The following TGFBR3 variants were observed in gnomAD, a reference collection of about 807,000 sequenced individuals.
The protein encoded by TGFBR3 is transforming growth factor beta receptor type 3.
TGFBR3 carries 46 observed loss-of-function variants against 87.9 expected under a neutral mutation model. The ratio of observed to expected loss-of-function variants is 0.52; its 90% confidence interval spans 0.41 to 0.67. The LOEUF is 0.67. Ranked by LOEUF, TGFBR3 falls within the 30% of genes least tolerant of loss-of-function variation. The probability of loss-of-function intolerance (pLI) is 0.00; values close to 1 mark genes in which losing one functional copy is unlikely to be tolerated. For missense variants in TGFBR3, 866 were observed against 1,041.9 expected (o/e 0.83, Z 2.32); for synonymous variants, 381 against 391.6 (o/e 0.97, Z 0.32).
chr1:91,702,948 G>C (rs1456339493), intron 14 of TGFBR3, among the ~76,000 whole-genome samples: 1 of 152,120 alleles, frequency 6.6e-6, no homozygotes, highest in East Asian at 1.9e-4. Context: ...AGGAGGCTGA[G>C]GCAGGAGAAT....
intron 5 of TGFBR3, among the ~76,000 whole-genome samples, chr1:91,731,876 T>C (rs1672786800): frequency 6.6e-6 from 1 of 152,208 alleles, no homozygotes. Flanking sequence ...AAAGTTGATG[T>C]TATTAAGGGC....
intron 2 of TGFBR3, among the ~76,000 whole-genome samples, chr1:91,810,349 G>A (rs956882848): frequency 6.6e-6 from 1 of 152,152 alleles, no homozygotes; most frequent in Non-Finnish European, 1.5e-5. Context: ...ATGAGCCACC[G>A]TGCCTGGCCC....
chr1:91,863,688 G>A (rs967305183), intron 1 of TGFBR3, among the ~76,000 whole-genome samples: 1 of 152,182 alleles, frequency 6.6e-6, no homozygotes, highest in Non-Finnish European at 1.5e-5. Flanking sequence ...ACAGTCAAAA[G>A]GAGATAAGCT....
intron 2 of TGFBR3, among the ~76,000 whole-genome samples, chr1:91,820,707 T>A (rs2101059620): frequency 6.6e-6 from 1 of 152,120 alleles, no homozygotes; most frequent in South Asian, 2.1e-4. Context: ...ACCTAAATGT[T>A]CATCAAAAAG....
At chr1:91,804,183 A>G (rs1461357823) in intron 2 of TGFBR3, among the ~76,000 whole-genome samples, 1 of 149,704 alleles carries the variant, frequency 6.7e-6, no homozygotes, top group Non-Finnish European at 1.5e-5. Context: ...AAAGGGGCAG[A>G]AAAAAAAAAC....
intron 2 of TGFBR3, among the ~76,000 whole-genome samples, chr1:91,799,569 C>G (rs997606408): frequency 1.3e-5 from 2 of 152,210 alleles, no homozygotes; most frequent in African/African-American, 4.8e-5. Flanking sequence ...CTGGCTACAG[C>G]TACCCACACT....
chr1:91,768,074 T>C (rs1674244538), intron 3 of TGFBR3, among the ~76,000 whole-genome samples: 4 of 151,918 alleles, frequency 2.6e-5, no homozygotes, highest in Admixed American at 2.6e-4. Flanking sequence ...TAGCCGGGTG[T>C]GGTGGCGCAT....
chr1:91,797,259 T>A (rs1444023737), intron 3 of TGFBR3, 28 bp downstream of exon 3: 1 of 1,612,284 alleles, frequency 6.2e-7, no homozygotes, highest in East Asian at 2.2e-5. Flanking sequence ...TCAGTGGCAG[T>A]GGGCTGAGAG....
chr1:91,818,968 T>C (rs925467789), intron 2 of TGFBR3, among the ~76,000 whole-genome samples: 4 of 152,226 alleles, frequency 2.6e-5, no homozygotes, highest in Non-Finnish European at 4.4e-5. Context: ...CTGCAATCTA[T>C]GGACACAGAT....
At chr1:91,687,874 T>C (rs1671141313) in intron 16 of TGFBR3, among the ~76,000 whole-genome samples, 1 of 152,220 alleles carries the variant, frequency 6.6e-6, no homozygotes, top group Admixed American at 6.5e-5. Flanking sequence ...TTAATATTCC[T>C]TGATGCTAGA....
intron 3 of TGFBR3, among the ~76,000 whole-genome samples, chr1:91,761,190 T>C (rs951251736): frequency 6.6e-6 from 1 of 152,180 alleles, no homozygotes; most frequent in Admixed American, 6.5e-5. Flanking sequence ...TACTAGTAAG[T>C]ATGTATTTCA....
intron 4 of TGFBR3, 49 bp from the exon 5 acceptor site, chr1:91,735,008 G>C (rs1672914212): frequency 1.2e-6 from 2 of 1,602,102 alleles, no homozygotes; most frequent in East Asian, 4.5e-5. Flanking sequence ...CACCGGAGCT[G>C]AATCATAATT....
rs151118757 is a variant in TGFBR3 at position 91,856,519 on chromosome 1, C to T, written c.61+4952G>A. On this transcript the variant is annotated intron_variant, in intron 2 of 16. Transcript: ENST00000212355. ...CCCAGACAAACCTATGGAGCTGGAA[C>T]AAGCAGGCTCCTATTATTCTAACTT... Among the ~76,000 whole-genome samples the T allele has an allele frequency of 5.9e-3, 905 of 152,128 alleles. 6 individuals are homozygous for T. The highest frequency in any genetic ancestry group is 9.2e-3 in the Non-Finnish European group (626 of 67,996).
Position 91,813,818 on chromosome 1 carries a change from C to T in TGFBR3, c.62-16347G>A, listed in dbSNP as rs530668962. Among the ~76,000 whole-genome samples, 9 of 152,254 alleles carry T rather than the reference C, an allele frequency of 5.9e-5. No homozygotes were observed. The South Asian group carries it at 1.0e-3, about 18-fold the overall frequency. ...CATGGAAGACAGTTTTTCCACAGAC[C>T]GAGGAGGAGAGGATGGTTTTGGGAT... is the stretch of plus-strand genomic sequence containing the variant. On this transcript the variant is annotated intron_variant, in intron 2 of 16. Coordinates refer to ENST00000212355, the MANE Select transcript of TGFBR3 (RefSeq NM_003243.5).
At chr1:91,841,463 T>C (rs1016585140) in intron 2 of TGFBR3, among the ~76,000 whole-genome samples, 27 of 152,270 alleles carry the variant, frequency 1.8e-4, no homozygotes, top group Admixed American at 9.8e-4. Flanking sequence ...ATTGCTCTTA[T>C]ACAATTAGAG....
intron 2 of TGFBR3, among the ~76,000 whole-genome samples, chr1:91,848,528 T>C (rs1044173677): frequency 1.2e-4 from 19 of 152,320 alleles, no homozygotes; most frequent in African/African-American, 4.6e-4. Context: ...ATCCTTATTA[T>C]AAAATATATT....
chr1:91,758,811 G>C, intron 3 of TGFBR3, 61 bp from the exon 4 acceptor site: 2 of 1,609,012 alleles, frequency 1.2e-6, no homozygotes, highest in Non-Finnish European at 1.7e-6. Context: ...AAATCACTCA[G>C]AGCAGCCTCT....
rs550370872 is a variant in TGFBR3, at chr1:91,804,820, G to A, written c.62-7349C>T. ...GGCTGGGAGTGTCTCCTGTGGCCAC[G>A]GCTGAAAACCCACATCCCGTCTTCC... On this transcript the variant is annotated intron_variant, in intron 2 of 16. Coordinates refer to ENST00000212355, the MANE Select transcript of TGFBR3 (RefSeq NM_003243.5). Among the ~76,000 whole-genome samples, 22 of 152,218 alleles carry A rather than the reference G, an allele frequency of 1.4e-4. No homozygotes were observed. In the East Asian group the frequency reaches 2.9e-3, roughly 20 times the overall value.
chr1:91,759,395 A>AC (rs1673874459), intron 3 of TGFBR3, among the ~76,000 whole-genome samples: 1 of 151,864 alleles, frequency 6.6e-6, no homozygotes, highest in African/African-American at 2.4e-5. Flanking sequence ...AAAAAAAAAA[A>AC]AAAAAAAAAA....
Sources: gnomAD v4.1 joint callset for allele counts (sites outside exome capture counted in the v4.1 genomes callset) on GRCh38, gnomAD v4.1.1 for gene constraint, MANE v1.5 for transcripts, NCBI Gene and HGNC (gene_info 2026-07-23, HGNC 2026-07-21) for gene names.